Variants in BABAM2 observed in about 807,000 individuals in gnomAD.
BABAM2 encodes BRISC and BRCA1-A complex member 2.
Under a neutral mutation model 54.7 loss-of-function variants are expected in BABAM2, and 31 were observed. The observed-to-expected ratio is 0.57, with a 90% CI of 0.43 to 0.77. The LOEUF is 0.77. Among genes scored for constraint, BABAM2 ranks in the 30% least tolerant of loss-of-function variants. The probability of loss-of-function intolerance (pLI) is 0.00; values close to 1 mark genes in which losing one functional copy is unlikely to be tolerated. For missense variants in BABAM2, 364 were observed against 455.8 expected (o/e 0.80, Z 1.83); for synonymous variants, 167 against 162.9 (o/e 1.03, Z -0.19).
chr2:27,929,421 T>C (rs1369848014), intron 2 of BABAM2, among the ~76,000 whole-genome samples: 14 of 152,180 alleles, frequency 9.2e-5, no homozygotes, highest in Non-Finnish European at 2.9e-5. Flanking sequence ...AAAAGTGGGC[T>C]CTTTTTTGTA....
chr2:27,959,902 ATAG>A (rs1469338947), intron 3 of BABAM2, among the ~76,000 whole-genome samples: 1 of 151,480 alleles, frequency 6.6e-6, no homozygotes, highest in Non-Finnish European at 1.5e-5. Flanking sequence ...TACTCTGGTC[ATAG>A]TTTTATTTTT....
chr2:28,014,213 A>G (rs1004105232), intron 4 of BABAM2, among the ~76,000 whole-genome samples: 1 of 152,162 alleles, frequency 6.6e-6, no homozygotes, highest in East Asian at 1.9e-4. Context: ...TTCACTGTGT[A>G]TTAGACTAGA....
intron 6 of BABAM2, among the ~76,000 whole-genome samples, chr2:28,116,392 C>G (rs188571930): frequency 6.6e-6 from 1 of 152,186 alleles, no homozygotes; most frequent in Non-Finnish European, 1.5e-5. Context: ...CTAGTGGGCT[C>G]CATTCTCTAA....
chr2:27,932,735 T>G (rs1193019517), intron 3 of BABAM2, among the ~76,000 whole-genome samples: 2 of 152,328 alleles, frequency 1.3e-5, no homozygotes, highest in East Asian at 3.9e-4. Context: ...GTCTCATTCT[T>G]GCCTCCCCTT....
At chr2:27,965,920 C>T (rs1458430023) in intron 3 of BABAM2, among the ~76,000 whole-genome samples, 4 of 149,522 alleles carry the variant, frequency 2.7e-5, no homozygotes, top group Non-Finnish European at 5.9e-5. Context: ...TTTTTTCTGT[C>T]TTCTTTTTCT....
chr2:28,260,879 T>G (rs529803836), intron 10 of BABAM2, among the ~76,000 whole-genome samples: 1 of 152,290 alleles, frequency 6.6e-6, no homozygotes, highest in African/African-American at 2.4e-5. Flanking sequence ...TTTGTTAAAT[T>G]AATTTCTAAG....
intron 2 of BABAM2, among the ~76,000 whole-genome samples, chr2:27,924,599 GTCT>G (rs1178417499): frequency 6.6e-6 from 1 of 152,112 alleles, no homozygotes; most frequent in Admixed American, 6.6e-5. Flanking sequence ...GGCCCCGCTG[GTCT>G]TGAACTCCTG....
chr2:28,155,713 G>T (rs980632508), intron 7 of BABAM2, among the ~76,000 whole-genome samples: 6 of 152,132 alleles, frequency 3.9e-5, no homozygotes, highest in Admixed American at 3.9e-4. Flanking sequence ...GAGAAAAGGA[G>T]AGACAGTGAG....
At chr2:28,017,447 A>G (rs1573399183) in intron 4 of BABAM2, among the ~76,000 whole-genome samples, 1 of 152,228 alleles carries the variant, frequency 6.6e-6, no homozygotes. Context: ...AGAAGTTTAA[A>G]ATTAGAAATT....
At chr2:28,252,345 T>A (rs1032973049) in intron 10 of BABAM2, among the ~76,000 whole-genome samples, 2 of 152,240 alleles carry the variant, frequency 1.3e-5, no homozygotes, top group African/African-American at 4.8e-5. Flanking sequence ...GCTTTAATTA[T>A]GGGAACTACT....
In BABAM2 at chr2:28,150,344, G is replaced by A. The variant is rs143018216; in HGVS notation, c.680+20964G>A. Among the ~76,000 whole-genome samples the A allele has an allele frequency of 9.1e-4, 138 of 152,224 alleles. 2 individuals are homozygous for A. In the East Asian group the frequency reaches 0.026, roughly 29 times the overall value. On this transcript the variant is annotated intron_variant, in intron 7 of 11. Transcript: ENST00000379624. ...ATGGCTTCCTCTTGCCCTTTGCAGG[G>A]TATCTTACAGTAATAAAGAAAAGAA...
At chr2:28,229,385 T>C (rs1363311911) in intron 7 of BABAM2, among the ~76,000 whole-genome samples, 1 of 152,196 alleles carries the variant, frequency 6.6e-6, no homozygotes, top group African/African-American at 2.4e-5. Flanking sequence ...GAATAGATGA[T>C]ATCATAGAGG....
chr2:28,171,472 C>G (rs1174105728), intron 7 of BABAM2, among the ~76,000 whole-genome samples: 3 of 152,226 alleles, frequency 2.0e-5, no homozygotes, highest in Non-Finnish European at 4.4e-5. Flanking sequence ...AAGAGAGGAT[C>G]AGTCCCTGAA....
chr2:28,224,485 T>C (rs79510957), intron 7 of BABAM2, among the ~76,000 whole-genome samples: 3,370 of 152,278 alleles, frequency 0.022, 105 homozygotes, highest in African/African-American at 0.077. Context: ...TGCAAACAAA[T>C]TTAGTCTTAA....
intron 7 of BABAM2, chr2:28,233,385 A>G (rs1375828327): frequency 2.5e-6 from 1 of 394,824 alleles, no homozygotes; most frequent in Non-Finnish European, 5.2e-6. Context: ...TGCTCAGCCC[A>G]ATATTTTTTG....
intron 10 of BABAM2, among the ~76,000 whole-genome samples, chr2:28,294,566 G>C (rs1322110668): frequency 6.6e-6 from 1 of 152,144 alleles, no homozygotes; most frequent in Non-Finnish European, 1.5e-5. Flanking sequence ...CAAAAGTTAA[G>C]TGACAGAAAC....
At chr2:27,950,287 A>G (rs968240192) in intron 3 of BABAM2, among the ~76,000 whole-genome samples, 54 of 152,340 alleles carry the variant, frequency 3.5e-4, no homozygotes, top group Admixed American at 9.8e-4. Flanking sequence ...AGAAGAACCC[A>G]TAACAGTTCT....
intron 2 of BABAM2, among the ~76,000 whole-genome samples, chr2:27,901,964 T>G (rs558680792): frequency 1.3e-5 from 2 of 152,366 alleles, no homozygotes; most frequent in African/African-American, 4.8e-5. Flanking sequence ...TTACTTAGTA[T>G]AAAGTTAATG....
At chr2:27,944,115 T>G (rs985975420) in intron 3 of BABAM2, among the ~76,000 whole-genome samples, 1 of 152,194 alleles carries the variant, frequency 6.6e-6, no homozygotes, top group Non-Finnish European at 1.5e-5. Context: ...ATTACTAAAT[T>G]AACTTATTGG....
Sources: allele counts gnomAD v4.1 joint callset (sites outside exome capture counted in the v4.1 genomes callset), GRCh38; gene constraint gnomAD v4.1.1; transcripts MANE v1.5; gene names NCBI Gene and HGNC (gene_info 2026-07-23, HGNC 2026-07-21).